The following GPC6 variants were observed in gnomAD, a reference collection of about 807,000 sequenced individuals.
GPC6 encodes glypican-6.
In GPC6, 14 loss-of-function variants were observed where a neutral mutation model predicts 55.2. The ratio of observed to expected loss-of-function variants is 0.25; its 90% CI spans 0.17 to 0.40. The LOEUF (loss-of-function observed/expected upper bound fraction) is 0.40. Ranked by LOEUF, GPC6 falls within the 10% of genes least tolerant of loss-of-function variation. The probability of loss-of-function intolerance (pLI) is 1.00; values close to 1 mark genes in which losing one functional copy is unlikely to be tolerated. For missense variants in GPC6, 641 were observed against 708.5 expected (o/e 0.90, Z 1.08); for synonymous variants, 278 against 259.6 (o/e 1.07, Z -0.68).
chr13:93,923,238 T>C (rs1877668390), intron 3 of GPC6, among the ~76,000 whole-genome samples: 1 of 152,220 alleles, frequency 6.6e-6, no homozygotes, highest in Non-Finnish European at 1.5e-5. Flanking sequence ...AGTAGCATTA[T>C]CATTTGTAAT....
chr13:93,894,442 C>T (rs760240403), intron 3 of GPC6, among the ~76,000 whole-genome samples: 1 of 152,030 alleles, frequency 6.6e-6, no homozygotes, highest in African/African-American at 2.4e-5. Context: ...GAAGTTCATA[C>T]ATCTCATTAT....
intron 1 of GPC6, among the ~76,000 whole-genome samples, chr13:93,368,468 A>C (rs981301632): frequency 6.6e-6 from 1 of 151,102 alleles, no homozygotes; most frequent in East Asian, 2.0e-4. Flanking sequence ...ATGCTGTCTT[A>C]AAAAGCTTGG....
At chr13:93,465,966 G>A (rs1421757099) in intron 1 of GPC6, among the ~76,000 whole-genome samples, 1 of 152,176 alleles carries the variant, frequency 6.6e-6, no homozygotes, top group East Asian at 1.9e-4. Flanking sequence ...TAAGGAGACA[G>A]ACAGAGATGG....
chr13:94,324,769 C>G (rs7328131), intron 6 of GPC6, among the ~76,000 whole-genome samples: 14,877 of 151,812 alleles, frequency 0.098, 2,384 homozygotes, highest in African/African-American at 0.34. Flanking sequence ...GAAAATGCAG[C>G]ATAGTTCCAG....
intron 2 of GPC6, among the ~76,000 whole-genome samples, chr13:93,659,563 T>G (rs1275114606): frequency 6.6e-6 from 1 of 152,014 alleles, no homozygotes; most frequent in Non-Finnish European, 1.5e-5. Flanking sequence ...ATATTTTTCT[T>G]AAAAAAGCAG....
At chr13:94,337,996 C>T (rs538912992) in intron 6 of GPC6, among the ~76,000 whole-genome samples, 15 of 152,308 alleles carry the variant, frequency 9.8e-5, no homozygotes, top group African/African-American at 2.9e-4. Context: ...AATTCGCACA[C>T]GTTAAGAAGA....
intron 2 of GPC6, among the ~76,000 whole-genome samples, chr13:93,558,891 C>G (rs1405212549): frequency 6.6e-6 from 1 of 152,124 alleles, no homozygotes; most frequent in Non-Finnish European, 1.5e-5. Context: ...TTGTATAACA[C>G]TATTTTTAAA....
At chr13:93,486,908 A>G (rs4771876) in intron 1 of GPC6, among the ~76,000 whole-genome samples, 67,317 of 150,410 alleles carry the variant, frequency 0.45, 15,439 homozygotes, top group Middle Eastern at 0.56. Flanking sequence ...TCGTGCCACC[A>G]TACTCCAGCC....
chr13:93,975,446 A>C (rs1197716475), intron 3 of GPC6, among the ~76,000 whole-genome samples: 1 of 152,132 alleles, frequency 6.6e-6, no homozygotes, highest in Admixed American at 6.6e-5. Flanking sequence ...TTCATGAATG[A>C]TGAGCTGGGT....
At chr13:93,970,305 GACAA>G (rs1183827369) in intron 3 of GPC6, among the ~76,000 whole-genome samples, 1 of 152,062 alleles carries the variant, frequency 6.6e-6, no homozygotes, top group Non-Finnish European at 1.5e-5. Flanking sequence ...AGTATGCATA[GACAA>G]ACAAAACCTG....
intron 3 of GPC6, among the ~76,000 whole-genome samples, chr13:93,908,465 C>T (rs1449633911): frequency 1.3e-5 from 2 of 152,176 alleles, no homozygotes; most frequent in Admixed American, 6.5e-5. Flanking sequence ...TCTCCTAAAG[C>T]CAGTGCGAAA....
chr13:93,563,821 A>C (rs1875948424), intron 2 of GPC6, among the ~76,000 whole-genome samples: 4 of 151,912 alleles, frequency 2.6e-5, no homozygotes, highest in Admixed American at 2.6e-4. Flanking sequence ...TTCTTAGGAA[A>C]TTATAAAAAC....
At chr13:94,020,063 G>C (rs980903288) in intron 3 of GPC6, among the ~76,000 whole-genome samples, 1 of 151,598 alleles carries the variant, frequency 6.6e-6, no homozygotes, top group Non-Finnish European at 1.5e-5. Flanking sequence ...CACTAGCTTT[G>C]GGCTTAGTTT....
intron 4 of GPC6, among the ~76,000 whole-genome samples, chr13:94,256,827 G>A (rs1566601109): frequency 6.6e-6 from 1 of 152,096 alleles, no homozygotes; most frequent in Non-Finnish European, 1.5e-5. Context: ...ATAGGTGGAG[G>A]GAGCTGTAAT....
intron 6 of GPC6, among the ~76,000 whole-genome samples, chr13:94,333,229 G>T (rs2139144980): frequency 6.6e-6 from 1 of 152,218 alleles, no homozygotes; most frequent in African/African-American, 2.4e-5. Flanking sequence ...GAAGTTTTAG[G>T]TAAAGATAGT....
intron 1 of GPC6, among the ~76,000 whole-genome samples, chr13:93,440,675 T>C (rs1469155386): frequency 7.5e-6 from 1 of 134,166 alleles, no homozygotes. Flanking sequence ...AGTCTTGCAT[T>C]TATTTATTTT....
intron 4 of GPC6, among the ~76,000 whole-genome samples, chr13:94,259,872 T>C (rs1891607152): frequency 1.3e-5 from 2 of 152,178 alleles, no homozygotes; most frequent in Non-Finnish European, 2.9e-5. Flanking sequence ...TAATACTCTA[T>C]TGTGTGTATA....
chr13:93,823,482 T>C (rs1309139832), intron 2 of GPC6, among the ~76,000 whole-genome samples: 1 of 152,110 alleles, frequency 6.6e-6, no homozygotes, highest in Non-Finnish European at 1.5e-5. Flanking sequence ...ACTGATTGCC[T>C]TGCAAGTAAG....
chr13:93,766,196 A>G (rs1885126574), intron 2 of GPC6, among the ~76,000 whole-genome samples: 1 of 152,216 alleles, frequency 6.6e-6, no homozygotes, highest in Non-Finnish European at 1.5e-5. Flanking sequence ...CAGCAAAAGA[A>G]TTAAGAATTC....
Sources: allele counts gnomAD v4.1 joint callset (sites outside exome capture counted in the v4.1 genomes callset), GRCh38; gene constraint gnomAD v4.1.1; transcripts MANE v1.5; gene names NCBI Gene and HGNC (gene_info 2026-07-23, HGNC 2026-07-21).